SIPA1L3: variants seen among roughly 807,000 people sequenced by gnomAD.
SIPA1L3 encodes signal-induced proliferation-associated 1-like protein 3.
A neutral mutation model predicts 150.1 loss-of-function variants in SIPA1L3; 59 were observed. The observed-to-expected ratio is 0.39, with a 90% confidence interval of 0.32 to 0.49. The LOEUF (loss-of-function observed/expected upper bound fraction) is 0.49, where lower values mean the gene tolerates loss of function less well. Ranked by LOEUF, SIPA1L3 falls within the 20% of genes least tolerant of loss-of-function variation. The pLI, the probability that SIPA1L3 is intolerant of heterozygous loss-of-function variation, is 0.86. For missense variants in SIPA1L3, 2,211 were observed against 2,489.5 expected (o/e 0.89, Z 2.38); for synonymous variants, 1,070 against 1,077.6 (o/e 0.99, Z 0.14).
chr19:38,160,426 G>A (rs572975280), intron 13 of SIPA1L3, among the ~76,000 whole-genome samples: 141 of 147,982 alleles, frequency 9.5e-4, no homozygotes, highest in African/African-American at 2.8e-3. Flanking sequence ...TTTTTGAGAC[G>A]GAGTCTCGCT....
chr19:37,992,085 G>A (rs1043039143), intron 1 of SIPA1L3, among the ~76,000 whole-genome samples: 2 of 152,240 alleles, frequency 1.3e-5, no homozygotes, highest in African/African-American at 4.8e-5. Flanking sequence ...GCAGGGCCTG[G>A]GGAACCACCA....
At chr19:38,118,014 C>G (rs145240507) in intron 8 of SIPA1L3, among the ~76,000 whole-genome samples, 10 of 152,160 alleles carry the variant, frequency 6.6e-5, no homozygotes, top group Non-Finnish European at 1.3e-4. Context: ...ATCAAAACTT[C>G]CTGTTACAAT....
At chr19:38,171,039 A>G (rs990242276) in intron 15 of SIPA1L3, among the ~76,000 whole-genome samples, 1 of 152,160 alleles carries the variant, frequency 6.6e-6, no homozygotes, top group Non-Finnish European at 1.5e-5. Flanking sequence ...CTATGTATAT[A>G]TACACACATA....
intron 1 of SIPA1L3, among the ~76,000 whole-genome samples, chr19:37,957,431 A>G (rs900725016): frequency 2.6e-5 from 4 of 151,900 alleles, no homozygotes; most frequent in Admixed American, 1.3e-4. Context: ...GTTTATTTAG[A>G]TTGTCTTTAA....
intron 2 of SIPA1L3, among the ~76,000 whole-genome samples, chr19:38,050,185 G>A (rs1402728068): frequency 6.6e-6 from 1 of 152,244 alleles, no homozygotes. Context: ...GCTGGGCATG[G>A]TGGCTCACGC....
intron 1 of SIPA1L3, among the ~76,000 whole-genome samples, chr19:37,999,268 C>G (rs1254693190): frequency 6.6e-6 from 1 of 152,198 alleles, no homozygotes; most frequent in Admixed American, 6.5e-5. Context: ...GTGACTGACT[C>G]CTGGGATCCC....
intron 13 of SIPA1L3, among the ~76,000 whole-genome samples, chr19:38,157,149 C>T (rs1040418686): frequency 3.3e-5 from 5 of 152,068 alleles, no homozygotes; most frequent in Non-Finnish European, 4.4e-5. Context: ...GACAGAGCAA[C>T]ACCTGTCTCA....
At chr19:37,971,679 C>G (rs548852114) in intron 1 of SIPA1L3, among the ~76,000 whole-genome samples, 2 of 152,098 alleles carry the variant, frequency 1.3e-5, no homozygotes, top group Non-Finnish European at 1.5e-5. Context: ...GTTCTCCTGC[C>G]TTAGCCTCCT....
intron 1 of SIPA1L3, among the ~76,000 whole-genome samples, chr19:37,971,600 C>T (rs1457593555): frequency 6.6e-6 from 1 of 150,936 alleles, no homozygotes; most frequent in Non-Finnish European, 1.5e-5. Context: ...GAGTCTTGCT[C>T]TGTTGCCCAG....
rs968591154 is a variant in SIPA1L3 at position 38,130,916 on chromosome 19, G to A, written c.3143+144G>A. 34 of 835,454 alleles carry A rather than the reference G, an allele frequency of 4.1e-5. No homozygotes were observed. In the African/African-American group the frequency reaches 4.6e-4, roughly 11 times the overall value. 51.8% of individuals were successfully genotyped at this position (835,454 alleles called of 1,614,324 possible). A position where few individuals can be genotyped will look rare whatever the true frequency, so the allele number is the denominator to read the frequency against. On this transcript the variant is annotated intron_variant, in intron 10 of 21. Coordinates refer to ENST00000222345, the MANE Select transcript of SIPA1L3 (RefSeq NM_015073.3). Reference sequence around the variant, plus strand: ...GGCAGGAATAGTGGCAACAGTGACAGGACGGGGAGGGCACATCTACAGAGC... The same window carrying A: ...GGCAGGAATAGTGGCAACAGTGACAAGACGGGGAGGGCACATCTACAGAGC...
chr19:38,172,169 C>T (rs1025964443), intron 15 of SIPA1L3, among the ~76,000 whole-genome samples: 2 of 152,144 alleles, frequency 1.3e-5, no homozygotes, highest in African/African-American at 2.4e-5. Context: ...TGGCAGCAGG[C>T]GGCATTGCCA....
At chr19:38,013,215 C>G (rs1008464843) in intron 1 of SIPA1L3, among the ~76,000 whole-genome samples, 1 of 152,122 alleles carries the variant, frequency 6.6e-6, no homozygotes, top group Non-Finnish European at 1.5e-5. Flanking sequence ...TTCTGCCTAC[C>G]CAAGGGCTGT....
intron 16 of SIPA1L3, among the ~76,000 whole-genome samples, chr19:38,183,496 G>A (rs571151120): frequency 1.5e-4 from 23 of 152,252 alleles, no homozygotes; most frequent in African/African-American, 5.5e-4. Flanking sequence ...GAAGCCCGGA[G>A]GACAGACTTG....
chr19:38,065,486 G>A (rs1445805026), intron 2 of SIPA1L3, among the ~76,000 whole-genome samples: 2 of 150,436 alleles, frequency 1.3e-5, no homozygotes, highest in Non-Finnish European at 2.9e-5. Context: ...TGCGATCTTG[G>A]CTCACTACAA....
intron 12 of SIPA1L3, among the ~76,000 whole-genome samples, chr19:38,146,349 C>A (rs1355147908): frequency 6.6e-6 from 1 of 152,180 alleles, no homozygotes; most frequent in Non-Finnish European, 1.5e-5. Context: ...TTTAACCACT[C>A]ACCCATCAAA....
chr19:38,146,466 C>T (rs1385391038), intron 12 of SIPA1L3, among the ~76,000 whole-genome samples: 1 of 152,044 alleles, frequency 6.6e-6, no homozygotes, highest in Non-Finnish European at 1.5e-5. Context: ...TTTAAAAAGA[C>T]ATTTGGGTAG....
intron 1 of SIPA1L3, among the ~76,000 whole-genome samples, chr19:37,920,257 C>G (rs1411996079): frequency 6.6e-6 from 1 of 151,798 alleles, no homozygotes; most frequent in East Asian, 1.9e-4. Flanking sequence ...TGGGATCTCT[C>G]TATGTTGCCC....
chr19:38,110,584 T>C (rs1343502122), intron 8 of SIPA1L3, among the ~76,000 whole-genome samples, 200 bp downstream of exon 8: 3 of 152,200 alleles, frequency 2.0e-5, no homozygotes, highest in Non-Finnish European at 4.4e-5. Context: ...AAGGAAACCA[T>C]CAGGGATTTG....
At chr19:38,076,225 G>T (rs929853073) in intron 2 of SIPA1L3, among the ~76,000 whole-genome samples, 2 of 151,978 alleles carry the variant, frequency 1.3e-5, no homozygotes, top group Non-Finnish European at 2.9e-5. Flanking sequence ...TAAAATATAT[G>T]TACATTAGTC....
Sources: gnomAD v4.1 joint callset for allele counts (sites outside exome capture counted in the v4.1 genomes callset) on GRCh38, gnomAD v4.1.1 for gene constraint, MANE v1.5 for transcripts, NCBI Gene and HGNC (gene_info 2026-07-23, HGNC 2026-07-21) for gene names.